KDM4C: variants seen among roughly 807,000 people sequenced by gnomAD.
KDM4C encodes the protein lysine-specific demethylase 4C.
A neutral mutation model predicts 129.3 loss-of-function variants in KDM4C; 81 were observed. The observed-to-expected ratio is 0.63, with a 90% CI of 0.52 to 0.75. KDM4C has a LOEUF of 0.75. Among genes scored for constraint, KDM4C ranks in the 30% least tolerant of loss-of-function variants. KDM4C has a pLI of 0.00. For missense variants in KDM4C, 1,457 were observed against 1,304.0 expected (o/e 1.12, Z -1.81); for synonymous variants, 573 against 456.1 (o/e 1.26, Z -3.26).
chr9:7,167,402 T>C (rs188782788), intron 20 of KDM4C, among the ~76,000 whole-genome samples: 12 of 152,362 alleles, frequency 7.9e-5, no homozygotes, highest in African/African-American at 2.9e-4. Flanking sequence ...ATTGCCTTTT[T>C]GTCTTTTCGA....
intron 8 of KDM4C, among the ~76,000 whole-genome samples, chr9:6,939,657 A>G (rs1185878340): frequency 6.6e-6 from 1 of 152,194 alleles, no homozygotes; most frequent in East Asian, 1.9e-4. Context: ...GAGCTATCAC[A>G]TAGTTACTTT....
chr9:6,800,490 G>A (rs72699687), intron 2 of KDM4C, among the ~76,000 whole-genome samples: 20,033 of 151,794 alleles, frequency 0.13, 1,679 homozygotes, highest in African/African-American at 0.23. Context: ...TGTGAGCTGC[G>A]ATCATGCCAC....
At chr9:7,117,559 A>G (rs1408902452) in intron 18 of KDM4C, among the ~76,000 whole-genome samples, 1 of 151,420 alleles carries the variant, frequency 6.6e-6, no homozygotes, top group African/African-American at 2.4e-5. Flanking sequence ...TTTATTTTCA[A>G]CATTGCTTTG....
intron 5 of KDM4C, among the ~76,000 whole-genome samples, chr9:6,857,996 T>A (rs12337194): frequency 6.8e-6 from 1 of 148,020 alleles, no homozygotes; most frequent in Non-Finnish European, 1.5e-5. Context: ...ACTCCTGAGC[T>A]AAGGCAGTCT....
At chr9:6,756,045 A>G (rs1035301220), upstream of KDM4C, among the ~76,000 whole-genome samples, 1 of 152,346 alleles carries the variant, frequency 6.6e-6, no homozygotes. Context: ...TTATTTGTGC[A>G]TCTGCAAATT....
Position 7,123,356 on chromosome 9 carries a change from C to G in KDM4C, c.2611-4710C>G, listed in dbSNP as rs1468767978. On this transcript the variant is annotated intron_variant, in intron 18 of 21. Transcript: ENST00000381309. ...CTTCTTTATTCCCTTCCGCTACCCA[C>G]ATACATGCACACCTAGCCAAAGAAA... Among the ~76,000 whole-genome samples the G allele has an allele frequency of 2.0e-5, 3 of 152,282 alleles. No individual in the cohort carries two copies. In the East Asian group the frequency reaches 5.8e-4, roughly 29 times the overall value.
At chr9:7,035,667 G>T (rs1827515609) in intron 15 of KDM4C, among the ~76,000 whole-genome samples, 1 of 152,044 alleles carries the variant, frequency 6.6e-6, no homozygotes, top group Non-Finnish European at 1.5e-5. Context: ...TTTGTATAGG[G>T]TGAGAAGTGG....
chr9:7,067,181 TCTTAGTGATAGCCTTTGAA>T (rs1239111831), intron 17 of KDM4C, among the ~76,000 whole-genome samples: 3 of 152,236 alleles, frequency 2.0e-5, no homozygotes, highest in Non-Finnish European at 4.4e-5. Flanking sequence ...ACTCCATTTA[TCTTAGTGATAGCCTTTGAA>T]CTATTGACTC....
intron 18 of KDM4C, among the ~76,000 whole-genome samples, chr9:7,113,657 G>A (rs941927804): frequency 2.0e-5 from 3 of 152,164 alleles, no homozygotes; most frequent in Admixed American, 1.3e-4. Context: ...AGAGTTTAAC[G>A]TGATCTTGGA....
At chr9:6,834,819 T>C in intron 4 of KDM4C, 1 of 1,377,810 alleles carries the variant, frequency 7.3e-7, no homozygotes, top group Non-Finnish European at 1.0e-6. Context: ...ATGACCCAGA[T>C]CATGTTTGAG....
chr9:7,128,251 T>A lies in KDM4C; in HGVS notation c.2781+15T>A, dbSNP rs746783750. ...AGGATATCGTGGTAAGTAGGCTTCC[T>A]TGAGTGCCTGCTACCCAGAGTAATT... On this transcript the variant is annotated intron_variant, in intron 19 of 21. Transcript: ENST00000381309. 1.3e-6 allele frequency: 2 copies of A among 1,550,432 alleles called. No homozygotes were observed. Among genetic ancestry groups the A allele is most frequent in the Non-Finnish European group, 1.7e-6 (2 of 1,145,954 alleles).
intron 17 of KDM4C, among the ~76,000 whole-genome samples, chr9:7,085,539 C>G (rs544621863): frequency 1.7e-4 from 26 of 152,214 alleles, no homozygotes; most frequent in Non-Finnish European, 2.2e-4. Flanking sequence ...TGGAACAGCT[C>G]TGGTCTAGGA....
At position 7,076,278 on chromosome 9, in the gene KDM4C, A is replaced by G. The variant is rs878965889; in HGVS notation, c.2424+27078A>G. ...GGAAACTTAGATGATTTTTAAGGAA[A>G]CATAAATGGTAAACAGTTTATTCAA... On this transcript the variant is annotated intron_variant, in intron 17 of 21. Transcript: ENST00000381309. Among the ~76,000 whole-genome samples the G allele has an allele frequency of 1.1e-4, 17 of 152,374 alleles. No homozygotes were observed. The South Asian group carries it at 1.4e-3, about 13-fold the overall frequency.
At position 6,924,686 on chromosome 9, in the gene KDM4C, G is replaced by T. The variant is rs528086085; in HGVS notation, c.921+31454G>T. 249 of 783,882 alleles carry T rather than the reference G, an allele frequency of 3.2e-4. No homozygotes were observed. The African/African-American group carries it at 4.4e-3, about 14-fold the overall frequency. The allele number at this position is 783,882 out of a possible 1,614,324, so 48.6% of individuals were successfully genotyped here. A position where few individuals can be genotyped will look rare whatever the true frequency, so the allele number is the denominator to read the frequency against. On this transcript the variant is annotated intron_variant, in intron 8 of 21. Coordinates refer to ENST00000381309, the MANE Select transcript of KDM4C (RefSeq NM_015061.6). ...AATGTTACACTTGTGTTCTGCTGGG[G>T]TACCGATGCATAATGTGTCATCCTG...
chr9:7,164,818 T>C (rs1844203301), intron 19 of KDM4C, among the ~76,000 whole-genome samples: 1 of 152,202 alleles, frequency 6.6e-6, no homozygotes, highest in Non-Finnish European at 1.5e-5. Context: ...AGTCTCTTTC[T>C]ATGTCATGGG....
At chr9:6,806,012 C>T (rs1245700710) in intron 3 of KDM4C, among the ~76,000 whole-genome samples, 2 of 152,098 alleles carry the variant, frequency 1.3e-5, no homozygotes, top group Middle Eastern at 3.2e-3. Flanking sequence ...AACTTCTTAT[C>T]CTATAGTTGC....
chr9:7,165,107 T>C, intron 19 of KDM4C, 131 bp from the exon 20 acceptor site: 1 of 1,061,062 alleles, frequency 9.4e-7, no homozygotes, highest in Middle Eastern at 2.8e-4. Context: ...TGAACACCCA[T>C]GCGAGATCAT....
chr9:6,957,509 T>G (rs1380000999), intron 8 of KDM4C, among the ~76,000 whole-genome samples: 1 of 152,180 alleles, frequency 6.6e-6, no homozygotes, highest in Admixed American at 6.5e-5. Flanking sequence ...AGGTAATTTT[T>G]TTTTTTCTGC....
intron 6 of KDM4C, among the ~76,000 whole-genome samples, chr9:6,886,227 T>A (rs376342231): frequency 2.6e-4 from 40 of 152,318 alleles, no homozygotes; most frequent in East Asian, 5.8e-4. Context: ...GTTTATGTAT[T>A]ATGAATATTA....
Sources: gnomAD v4.1 joint callset for allele counts (sites outside exome capture counted in the v4.1 genomes callset) on GRCh38, gnomAD v4.1.1 for gene constraint, MANE v1.5 for transcripts, NCBI Gene and HGNC (gene_info 2026-07-23, HGNC 2026-07-21) for gene names.